Variants in ASB15 observed in about 807,000 individuals in gnomAD.
ASB15 encodes the protein ankyrin repeat and SOCS box containing 15, also known as ankyrin repeat and SOCS box protein 15.
ASB15 carries 54 observed loss-of-function variants against 58.0 expected under a neutral mutation model. That is an observed-to-expected ratio of 0.93 (90% CI 0.75 to 1.17). ASB15 has a LOEUF of 1.17. Among genes scored for constraint, ASB15 ranks in the 50% most tolerant of loss-of-function variants. ASB15 has a pLI of 0.00. For missense variants in ASB15, 680 were observed against 707.4 expected (o/e 0.96, Z 0.44); for synonymous variants, 249 against 262.4 (o/e 0.95, Z 0.50).
At chr7:123,626,498 ATAAGAAACTACTGTCTT>A (rs1432668031) in intron 8 of ASB15, among the ~76,000 whole-genome samples, 3 of 151,936 alleles carry the variant, frequency 2.0e-5, no homozygotes, top group African/African-American at 7.3e-5. Context: ...AATAAATAAA[ATAAGAAACTACTGTCTT>A]TAAATTAAAA....
chr7:123,620,545 T>C (rs1371402063), intron 7 of ASB15, among the ~76,000 whole-genome samples: 20 of 25,936 alleles, frequency 7.7e-4, no homozygotes, highest in Non-Finnish European at 1.5e-3. Flanking sequence ...TATATATATA[T>C]ATATATATAT....
intron 1 of ASB15, among the ~76,000 whole-genome samples, chr7:123,588,929 G>A (rs1418693251): frequency 6.6e-6 from 1 of 151,668 alleles, no homozygotes; most frequent in Non-Finnish European, 1.5e-5. Context: ...GGTTGGAAAA[G>A]ATAATTGATA....
chr7:123,574,888 T>G (rs2116288318), intron 1 of ASB15, among the ~76,000 whole-genome samples: 1 of 152,242 alleles, frequency 6.6e-6, no homozygotes, highest in Middle Eastern at 3.4e-3. Flanking sequence ...AAGACTTTAC[T>G]GGATCTACAT....
intron 11 of ASB15, among the ~76,000 whole-genome samples, chr7:123,632,832 A>G (rs192209198): frequency 1.3e-5 from 2 of 152,344 alleles, no homozygotes; most frequent in African/African-American, 2.4e-5. Flanking sequence ...AAACTATAAT[A>G]TATAAAATAC....
chr7:123,622,207 A>G (rs566167742), intron 7 of ASB15, among the ~76,000 whole-genome samples: 1 of 152,290 alleles, frequency 6.6e-6, no homozygotes, highest in Admixed American at 6.5e-5. Context: ...AAATTAATAA[A>G]TAATTTGAAC....
chr7:123,627,891 T>C (rs1314959264), intron 9 of ASB15, among the ~76,000 whole-genome samples: 3 of 152,236 alleles, frequency 2.0e-5, no homozygotes, highest in African/African-American at 7.2e-5. Flanking sequence ...ATATATTTCA[T>C]AAGCTCAAAA....
chr7:123,575,170 G>T (rs1799030987), intron 1 of ASB15, among the ~76,000 whole-genome samples: 1 of 151,310 alleles, frequency 6.6e-6, no homozygotes, highest in South Asian at 2.1e-4. Flanking sequence ...TTAATTTAAG[G>T]ATTAACATTA....
chr7:123,620,017 G>A (rs2116558619), intron 7 of ASB15: 2 of 152,326 alleles, frequency 1.3e-5, no homozygotes, highest in East Asian at 1.9e-4. Flanking sequence ...CTCACACATT[G>A]CAGAATGGCC....
chr7:123,629,355 T>G lies in ASB15; in HGVS notation c.1361T>G (p.Phe454Cys). The stretch of plus-strand genomic sequence containing the variant: ...TTTGACTGCATGCATGGTGACATCT[T>G]TGGAAATTCATTTGTGTGGTCAGAG... Reference protein sequence around the residue: ...MCFDCMHGDIFGNSFVWSEIQ... With the variant: ...MCFDCMHGDICGNSFVWSEIQ... Residue 454 changes from phenylalanine (F) to cysteine (C), a missense_variant, in exon 10 of 12, where the codon TTT becomes TGT. By Grantham distance (205) the Phe-to-Cys change is radical. Coordinates refer to ENST00000451215, the MANE Select transcript of ASB15 (RefSeq NM_001290258.2). 1 of 1,614,042 alleles carries G rather than the reference T, an allele frequency of 6.2e-7. No homozygotes were observed. The highest frequency in any genetic ancestry group is 1.1e-5 in the South Asian group (1 of 91,066).
At chr7:123,575,777 G>A (rs1354171423) in intron 1 of ASB15, among the ~76,000 whole-genome samples, 2 of 146,452 alleles carry the variant, frequency 1.4e-5, no homozygotes, top group African/African-American at 5.0e-5. Flanking sequence ...TTCCCTTTAT[G>A]AATTATTTGA....
chr7:123,616,046 C>CT, intron 4 of ASB15, among the ~76,000 whole-genome samples, 175 bp from the exon 5 acceptor site: 1 of 152,254 alleles, frequency 6.6e-6, no homozygotes, highest in Non-Finnish European at 1.5e-5. Flanking sequence ...TAAATATACT[C>CT]TGTGTCTGAC....
At chr7:123,586,164 A>G (rs913219631) in intron 1 of ASB15, among the ~76,000 whole-genome samples, 3 of 151,862 alleles carry the variant, frequency 2.0e-5, no homozygotes, top group Admixed American at 6.6e-5. Context: ...ACTGTTTTCC[A>G]TAATGGCTGT....
At chr7:123,614,039 C>T (rs1487151349) in intron 3 of ASB15, 1 of 152,924 alleles carries the variant, frequency 6.5e-6, no homozygotes, top group African/African-American at 2.5e-5. Flanking sequence ...GAGCAAGACT[C>T]CATCTCCAAA....
At chr7:123,615,783 G>A (rs1800762488) in intron 4 of ASB15, among the ~76,000 whole-genome samples, 1 of 152,114 alleles carries the variant, frequency 6.6e-6, no homozygotes, top group Non-Finnish European at 1.5e-5. Context: ...CATTTTTTGA[G>A]CATAGAGTGT....
intron 3 of ASB15, among the ~76,000 whole-genome samples, chr7:123,612,105 G>T (rs1249498649): frequency 2.6e-5 from 4 of 152,110 alleles, no homozygotes; most frequent in African/African-American, 9.7e-5. Flanking sequence ...TAGGTGAAAG[G>T]CTCTGTATCC....
At chr7:123,611,001 G>C (rs543548838) in intron 3 of ASB15, among the ~76,000 whole-genome samples, 3 of 141,828 alleles carry the variant, frequency 2.1e-5, no homozygotes, top group African/African-American at 7.9e-5. Context: ...AGAATCACTC[G>C]AACCCAGCAG....
intron 1 of ASB15, among the ~76,000 whole-genome samples, chr7:123,576,163 T>C (rs953074259): frequency 6.6e-6 from 1 of 151,716 alleles, no homozygotes; most frequent in Non-Finnish European, 1.5e-5. Flanking sequence ...TTTCATCTTC[T>C]ATATTTTTTA....
chr7:123,573,926 G>A (rs983475087), intron 1 of ASB15, among the ~76,000 whole-genome samples: 1 of 151,676 alleles, frequency 6.6e-6, no homozygotes, highest in Non-Finnish European at 1.5e-5. Context: ...GTCAAGGCAG[G>A]GGACAAAAAT....
chr7:123,571,361 A>G (rs989364629), intron 1 of ASB15, among the ~76,000 whole-genome samples: 2 of 152,212 alleles, frequency 1.3e-5, no homozygotes, highest in African/African-American at 4.8e-5. Context: ...TCAATCTATG[A>G]GTTAAGGAAG....
Sources: gnomAD v4.1 joint callset for allele counts (sites outside exome capture counted in the v4.1 genomes callset) on GRCh38, gnomAD v4.1.1 for gene constraint, MANE v1.5 for transcripts, NCBI Gene and HGNC (gene_info 2026-07-23, HGNC 2026-07-21) for gene names.